The following GRM1 variants were observed in gnomAD, a reference collection of about 807,000 sequenced individuals.
GRM1 encodes metabotropic glutamate receptor 1.
GRM1 carries 33 observed loss-of-function variants against 90.9 expected under a neutral mutation model. That is an observed-to-expected ratio of 0.36 (90% CI 0.28 to 0.49). GRM1 has a LOEUF of 0.49. Ranked by LOEUF, GRM1 falls within the 20% of genes least tolerant of loss-of-function variation. The probability of loss-of-function intolerance (pLI) is 0.99; values close to 1 mark genes in which losing one functional copy is unlikely to be tolerated. For synonymous variants in GRM1, 700 were observed against 613.2 expected (o/e 1.14, Z -2.09); for missense variants, 1,190 against 1,534.3 (o/e 0.78, Z 3.75).
chr6:146,416,208 G>A (rs1019991946), intron 7 of GRM1, among the ~76,000 whole-genome samples: 1 of 151,812 alleles, frequency 6.6e-6, no homozygotes, highest in Admixed American at 6.6e-5. Context: ...TTATTTATAT[G>A]TAATATAAAT....
chr6:146,375,658 G>T (rs965624534), intron 5 of GRM1, among the ~76,000 whole-genome samples: 3 of 151,942 alleles, frequency 2.0e-5, no homozygotes, highest in Non-Finnish European at 4.4e-5. Context: ...GACCTTCTTT[G>T]TCTCTTCTTA....
At position 146,390,597 on chromosome 6, in the gene GRM1, C is replaced by T. The variant is rs548356949; in HGVS notation, c.1729+3581C>T. ...TACATTTTCTCATTAAAAAAAAAAA[C>T]GGAAAATGCTTTATAAACATTAACT... On this transcript the variant is annotated intron_variant, in intron 6 of 7. Transcript: ENST00000282753. Among the ~76,000 whole-genome samples, 8 of 150,554 alleles carry T rather than the reference C, an allele frequency of 5.3e-5. No individual in the cohort carries two copies. The East Asian group carries it at 5.8e-4, about 11-fold the overall frequency.
chr6:146,343,959 A>T (rs1191711002), intron 3 of GRM1, among the ~76,000 whole-genome samples: 1 of 152,036 alleles, frequency 6.6e-6, no homozygotes, highest in Admixed American at 6.6e-5. Context: ...CTGCTATTGG[A>T]GTGTTGTTGA....
chr6:146,395,993 A>G (rs2114565467), intron 6 of GRM1, among the ~76,000 whole-genome samples: 1 of 152,182 alleles, frequency 6.6e-6, no homozygotes, highest in South Asian at 2.1e-4. Flanking sequence ...TAAATATTTT[A>G]ATTTATTGAT....
chr6:146,104,338 G>A (rs1777152402), intron 1 of GRM1, among the ~76,000 whole-genome samples: 1 of 152,146 alleles, frequency 6.6e-6, no homozygotes, highest in Non-Finnish European at 1.5e-5. Context: ...TACTTGGGAG[G>A]CTGAGGCAGG....
chr6:146,037,132 A>G (rs1445495173), intron 1 of GRM1, among the ~76,000 whole-genome samples: 1 of 151,996 alleles, frequency 6.6e-6, no homozygotes, highest in Non-Finnish European at 1.5e-5. Flanking sequence ...CAGCTTTTCA[A>G]AGAACAAGAA....
At position 146,388,426 on chromosome 6, in the gene GRM1, A is replaced by T. The variant is rs565203848; in HGVS notation, c.1729+1410A>T. On this transcript the variant is annotated intron_variant, in intron 6 of 7. Coordinates refer to ENST00000282753, the MANE Select transcript of GRM1 (RefSeq NM_001278064.2). Reference sequence around the variant, plus strand: ...AAAATATGCAACTAAGAAATCATGCAGTTTATTCAGAGTACATAAAAAATG... The same window carrying T: ...AAAATATGCAACTAAGAAATCATGCTGTTTATTCAGAGTACATAAAAAATG... 5.9e-5 allele frequency among the ~76,000 whole-genome samples: 9 copies of T among 152,152 alleles called. No individual in the cohort carries two copies. In the South Asian group the frequency reaches 1.9e-3, roughly 32 times the overall value.
chr6:146,075,731 A>C (rs1297228499), intron 1 of GRM1, among the ~76,000 whole-genome samples: 1 of 152,168 alleles, frequency 6.6e-6, no homozygotes, highest in Non-Finnish European at 1.5e-5. Flanking sequence ...GTAGGAGAGA[A>C]TCCTTCCTTT....
intron 1 of GRM1, among the ~76,000 whole-genome samples, chr6:146,064,618 C>G (rs1562439923): frequency 6.6e-6 from 1 of 151,140 alleles, no homozygotes; most frequent in Non-Finnish European, 1.5e-5. Context: ...TTTAATTTCT[C>G]ACAAAGAAAT....
chr6:146,199,741 G>A (rs1173790789), intron 2 of GRM1, among the ~76,000 whole-genome samples: 2 of 151,534 alleles, frequency 1.3e-5, no homozygotes, highest in African/African-American at 4.8e-5. Flanking sequence ...ACTCTCACCG[G>A]GTATGGTGGC....
At chr6:146,266,691 GT>G (rs1323512427) in intron 2 of GRM1, among the ~76,000 whole-genome samples, 1 of 152,170 alleles carries the variant, frequency 6.6e-6, no homozygotes, top group African/African-American at 2.4e-5. Flanking sequence ...TGGTAACTTT[GT>G]AACTAGCCTT....
chr6:146,326,519 A>G (rs1784406016), intron 3 of GRM1, among the ~76,000 whole-genome samples: 9 of 152,148 alleles, frequency 5.9e-5, no homozygotes, highest in Admixed American at 5.2e-4. Flanking sequence ...TGGTGAAATA[A>G]TCTGTACAAT....
intron 4 of GRM1, among the ~76,000 whole-genome samples, chr6:146,356,579 T>C (rs1785592493): frequency 6.6e-6 from 1 of 152,154 alleles, no homozygotes; most frequent in Admixed American, 6.5e-5. Context: ...ACATAAGCAT[T>C]TCGACCATAG....
chr6:146,096,411 T>C (rs1776875343), intron 1 of GRM1, among the ~76,000 whole-genome samples: 1 of 152,168 alleles, frequency 6.6e-6, no homozygotes, highest in South Asian at 2.1e-4. Context: ...CACACCTTAC[T>C]TTCAGCCATC....
In GRM1 at chr6:146,398,864, T is replaced by A; in HGVS notation, c.1825T>A (p.Phe609Ile). The change falls in exon 7 of 8, where the codon TTT (phenylalanine) becomes ATT (isoleucine). Residue 609 changes from phenylalanine to isoleucine, a missense_variant. Transcript: ENST00000282753. ...ATGCCTGGGAATCCTTGTTACCTTG[T>A]TTGTCACCCTAATCTTTGTACTGTA... ...FSCLGILVTL[F>I]VTLIFVLYRD... The A allele has an allele frequency of 6.2e-7, 1 of 1,613,936 alleles. No homozygotes were observed. The highest frequency in any genetic ancestry group is 8.5e-7 in the Non-Finnish European group (1 of 1,179,832).
intron 1 of GRM1, among the ~76,000 whole-genome samples, chr6:146,084,289 T>C (rs968723933): frequency 1.3e-5 from 2 of 152,044 alleles, no homozygotes; most frequent in African/African-American, 4.8e-5. Flanking sequence ...CTTTTGGATT[T>C]GTTTGCTCTT....
intron 1 of GRM1, among the ~76,000 whole-genome samples, chr6:146,047,215 C>G (rs1791364425): frequency 6.6e-6 from 1 of 151,940 alleles, no homozygotes; most frequent in East Asian, 1.9e-4. Context: ...AGTAGACCCT[C>G]TTTTGCAAAT....
At chr6:146,054,021 T>A (rs1775392825) in intron 1 of GRM1, among the ~76,000 whole-genome samples, 1 of 152,030 alleles carries the variant, frequency 6.6e-6, no homozygotes, top group Non-Finnish European at 1.5e-5. Flanking sequence ...ATCCAACAGT[T>A]ATTGACTATG....
intron 1 of GRM1, among the ~76,000 whole-genome samples, chr6:146,034,956 AAAGT>A (rs1790836016): frequency 6.6e-6 from 1 of 152,010 alleles, no homozygotes; most frequent in Non-Finnish European, 1.5e-5. Context: ...AAATACATGT[AAAGT>A]AAGTAAAAGC....
Sources: allele counts gnomAD v4.1 joint callset (sites outside exome capture counted in the v4.1 genomes callset), GRCh38; gene constraint gnomAD v4.1.1; transcripts MANE v1.5; gene names NCBI Gene and HGNC (gene_info 2026-07-23, HGNC 2026-07-21).